Variants in KICS2 observed in about 807,000 individuals in gnomAD.
KICS2 encodes KICSTOR complex protein C12orf66.
KICS2 carries 13 observed loss-of-function variants against 31.4 expected under a neutral mutation model. That is an observed-to-expected ratio of 0.41 (90% CI 0.27 to 0.66). The LOEUF (loss-of-function observed/expected upper bound fraction) is 0.66. Ranked by LOEUF, KICS2 falls within the 30% of genes least tolerant of loss-of-function variation. The pLI is 0.28. For missense variants in KICS2, 455 were observed against 545.4 expected, an observed-to-expected ratio of 0.83 and a Z score of 1.65; for synonymous variants, 209 against 214.8, an observed-to-expected ratio of 0.97 and a Z score of 0.24.
intron 2 of KICS2, among the ~76,000 whole-genome samples, chr12:64,214,426 A>C (rs2037609251): frequency 6.6e-6 from 1 of 152,220 alleles, no homozygotes; most frequent in Non-Finnish European, 1.5e-5. Context: ...TTGAACCAAG[A>C]CTTAAAGATG....
At chr12:64,218,820 G>A (rs2037653711) in intron 1 of KICS2, among the ~76,000 whole-genome samples, 1 of 152,086 alleles carries the variant, frequency 6.6e-6, no homozygotes, top group Non-Finnish European at 1.5e-5. Context: ...CTAATCACCA[G>A]CATGTGAAAC....
In KICS2 at chr12:64,216,146, T is replaced by TCATAAATACTTTATGATA. The variant is rs1565720500; in HGVS notation, c.236-184_236-183insTATCATAAAGTATTTATG. Among the ~76,000 whole-genome samples, 277 of 145,076 alleles carry TCATAAATACTTTATGATA rather than the reference T, an allele frequency of 1.9e-3. 1 individual carries two copies. The highest frequency in any genetic ancestry group is 4.5e-3 in the African/African-American group (165 of 36,432). On this transcript the variant is annotated intron_variant, in intron 1 of 2. Coordinates refer to ENST00000398055, the MANE Select transcript of KICS2 (RefSeq NM_152440.5). ...ATGATAATCATAAATACTTTATGATTATCATAAATACTTTATGATAATCAT... is the reference window on the plus strand; with the variant it reads ...ATGATAATCATAAATACTTTATGATTCATAAATACTTTATGATAATCATAAATACTTTATGATAATCAT...
intron 2 of KICS2, among the ~76,000 whole-genome samples, chr12:64,197,379 A>C (rs1442160542): frequency 9.6e-5 from 14 of 145,366 alleles, no homozygotes; most frequent in Admixed American, 4.8e-4. Flanking sequence ...GAAATAAAAT[A>C]CTTTACAGAC....
chr12:64,194,267 T>C lies in KICS2; in HGVS notation c.913A>G (p.Ile305Val). The C allele has an allele frequency of 1.2e-6, 2 of 1,614,224 alleles. No homozygotes were observed. Reference protein sequence around the residue: ...PDFFGKISSFIRKYDAANVSL... With the variant: ...PDFFGKISSFVRKYDAANVSL... ...ACATTGGCAGCATCATATTTTCTGA[T>C]GAAGCTGGAAATCTTTCCAAAAAAG... The change falls in exon 3 of 3, where the codon ATC (isoleucine) becomes GTC (valine). Residue 305 changes from isoleucine to valine, a missense_variant. Ile to Val is a conservative substitution (Grantham distance 29). Transcript: ENST00000398055.
chr12:64,213,087 C>CAAAAA (rs1235001391), intron 2 of KICS2, among the ~76,000 whole-genome samples: 14 of 69,062 alleles, frequency 2.0e-4, no homozygotes, highest in Admixed American at 3.1e-4. Flanking sequence ...GAGACAAACT[C>CAAAAA]AAAAAAAAAA....
intron 2 of KICS2, among the ~76,000 whole-genome samples, chr12:64,211,866 T>C (rs184178211): frequency 1.6e-3 from 243 of 152,308 alleles, no homozygotes; most frequent in African/African-American, 4.9e-3. Flanking sequence ...AATCTGAACA[T>C]GGACTATGTA....
intron 1 of KICS2, among the ~76,000 whole-genome samples, chr12:64,217,734 G>A (rs910001571): frequency 6.6e-6 from 1 of 152,022 alleles, no homozygotes; most frequent in Non-Finnish European, 1.5e-5. Context: ...CAGGGAGGCA[G>A]AGGCTGCAGC....
chr12:64,213,976 G>C (rs942668024), intron 2 of KICS2, among the ~76,000 whole-genome samples: 1 of 152,176 alleles, frequency 6.6e-6, no homozygotes, highest in Non-Finnish European at 1.5e-5. Flanking sequence ...TTGCAACCAT[G>C]AGGCCCTCCT....
Position 64,193,457 on chromosome 12 carries a change from T to C in KICS2, c.*385A>G. The C allele has an allele frequency of 9.9e-7, 1 of 1,005,724 alleles. No individual in the cohort carries two copies. The allele number at this position is 1,005,724 out of a possible 1,614,324, so 62.3% of individuals were successfully genotyped here. A position where few individuals can be genotyped will look rare whatever the true frequency, so the allele number is the denominator to read the frequency against. On this transcript the variant is annotated 3_prime_UTR_variant, in exon 3 of 3. Coordinates refer to ENST00000398055, the MANE Select transcript of KICS2 (RefSeq NM_152440.5). ...TTTAATATCTCATCCCTATTACTCTTCCAAGAAGGAGGGAAACAGAGAGGC... is the reference window on the plus strand; with the variant it reads ...TTTAATATCTCATCCCTATTACTCTCCCAAGAAGGAGGGAAACAGAGAGGC...
rs1033481227 is a variant in KICS2, at chr12:64,191,994, T to C, written c.*1848A>G. On this transcript the variant is annotated 3_prime_UTR_variant, in exon 3 of 3. Transcript: ENST00000398055. The stretch of plus-strand genomic sequence containing the variant: ...CCAGGAGGTTGAGGCTGCAGTGAGT[T>C]GTGATTGTGCCACTGTACTCCAGCC... 20 of 143,106 alleles carry C rather than the reference T, an allele frequency of 1.4e-4. No individual in the cohort carries two copies. Among genetic ancestry groups the C allele is most frequent in the Non-Finnish European group, 2.5e-4 (17 of 67,024 alleles). 8.9% of individuals were successfully genotyped at this position (143,106 alleles called of 1,614,324 possible).
In KICS2 at chr12:64,221,984, G is replaced by A. The variant is rs1055569228; in HGVS notation, c.235+19C>T. 1 of 1,603,272 alleles carries A rather than the reference G, an allele frequency of 6.2e-7. No homozygotes were observed. Among genetic ancestry groups the A allele is most frequent in the Non-Finnish European group, 8.5e-7 (1 of 1,172,906 alleles). ...CTTTACTTCCTCCTCAAGGGGCTCG[G>A]GGGGCGGGGCGGAGGTACCTAGTTT... On this transcript the variant is annotated intron_variant, in intron 1 of 2. Transcript: ENST00000398055.
chr12:64,197,654 G>A (rs2037453328), intron 2 of KICS2, among the ~76,000 whole-genome samples: 1 of 150,362 alleles, frequency 6.7e-6, no homozygotes, highest in Admixed American at 6.6e-5. Context: ...ACACAGACTG[G>A]CAAATTGGAT....
intron 1 of KICS2, among the ~76,000 whole-genome samples, chr12:64,220,772 A>G (rs147040419): frequency 3.5e-4 from 53 of 152,302 alleles, no homozygotes; most frequent in African/African-American, 1.1e-3. Context: ...CTGAGAGTAC[A>G]AGGGCAGATA....
Position 64,222,070 on chromosome 12 carries a change from C to G in KICS2, c.168G>C (p.Ala56=). Residue 56 remains alanine (A), a synonymous_variant, in exon 1 of 3, where the codon GCG becomes GCC. Transcript: ENST00000398055. ...CGGCCGCGGCCAGGTGCGCCAAGGC[C>G]GCCAGCAGCGACAGCCAGCTGCCCC... ...SAGGSWLSLL[A]ALAHLAAAEK... is the part of the protein sequence containing the mutation. 1 of 1,613,784 alleles carries G rather than the reference C, an allele frequency of 6.2e-7. No individual in the cohort carries two copies. The highest frequency in any genetic ancestry group is 8.5e-7 in the Non-Finnish European group (1 of 1,179,912).
In KICS2 at chr12:64,192,946, G is replaced by T. The variant is rs566426795; in HGVS notation, c.*896C>A. The T allele has an allele frequency of 4.7e-5, 46 of 985,412 alleles. No homozygotes were observed. The highest frequency in any genetic ancestry group is 5.4e-5 in the Non-Finnish European group (45 of 829,932). The allele number at this position is 985,412 out of a possible 1,614,324, so 61.0% of individuals were successfully genotyped here. On this transcript the variant is annotated 3_prime_UTR_variant, in exon 3 of 3. Transcript: ENST00000398055. ...CTTCATTTTGATTTTATAAAAGTAG[G>T]CTATGTTGCATGAGTATCTAAAAGT... is the stretch of plus-strand genomic sequence containing the variant.
chr12:64,202,934 T>C (rs1263405622), intron 2 of KICS2, among the ~76,000 whole-genome samples: 1 of 152,102 alleles, frequency 6.6e-6, no homozygotes, highest in African/African-American at 2.4e-5. Flanking sequence ...TTCCTGATTC[T>C]TCAGGTCTCC....
chr12:64,196,496 G>A (rs1294632257), intron 2 of KICS2, among the ~76,000 whole-genome samples: 1 of 151,032 alleles, frequency 6.6e-6, no homozygotes, highest in Non-Finnish European at 1.5e-5. Flanking sequence ...CACAACGATG[G>A]GGAAAAAACA....
In KICS2 at chr12:64,193,871, C is replaced by A. The variant is rs2037405032; in HGVS notation, c.1309G>T (p.Ala437Ser). ...CCTTTGGCTCCAGGTTTCAGACTTG[C>A]AAACACTTTGGGGTTCTTAAGGGCA... ...SLALKNPKVFASLKPGAKG is the reference protein window; with the variant it reads ...SLALKNPKVFSSLKPGAKG The change falls in exon 3 of 3, where the codon GCA becomes TCA. Residue 437 changes from alanine (A) to serine (S), a missense_variant. Physicochemically the swap from Ala to Ser is moderately conservative, Grantham distance 99 (BLOSUM62 1). Transcript: ENST00000398055. The A allele has an allele frequency of 1.2e-6, 2 of 1,613,640 alleles. No homozygotes were observed. The highest frequency in any genetic ancestry group is 1.7e-6 in the Non-Finnish European group (2 of 1,179,870).
At chr12:64,209,737 G>T (rs935663956) in intron 2 of KICS2, among the ~76,000 whole-genome samples, 1 of 152,134 alleles carries the variant, frequency 6.6e-6, no homozygotes, top group Non-Finnish European at 1.5e-5. Flanking sequence ...ACTCACACAG[G>T]ACTTACATGT....
Sources: gnomAD v4.1 joint callset for allele counts (sites outside exome capture counted in the v4.1 genomes callset) on GRCh38, gnomAD v4.1.1 for gene constraint, MANE v1.5 for transcripts, NCBI Gene and HGNC (gene_info 2026-07-23, HGNC 2026-07-21) for gene names.